SPIN1: variants seen among roughly 807,000 people sequenced by gnomAD.
The protein encoded by SPIN1 is spindlin-1.
SPIN1 carries 3 observed loss-of-function variants against 26.0 expected under a neutral mutation model. The ratio of observed to expected loss-of-function variants is 0.12; its 90% CI spans 0.05 to 0.30. The LOEUF (loss-of-function observed/expected upper bound fraction) is 0.30, where lower values mean the gene tolerates loss of function less well. Ranked by LOEUF, SPIN1 falls within the 10% of genes least tolerant of loss-of-function variation. The probability of loss-of-function intolerance (pLI) is 1.00; values close to 1 mark genes in which losing one functional copy is unlikely to be tolerated. For synonymous variants in SPIN1, 101 were observed against 116.5 expected, an observed-to-expected ratio of 0.87 and a Z score of 0.86; for missense variants, 126 against 333.4, an observed-to-expected ratio of 0.38 and a Z score of 4.84.
intron 1 of SPIN1, among the ~76,000 whole-genome samples, chr9:88,422,079 A>G (rs1337165228): frequency 1.3e-5 from 2 of 152,124 alleles, no homozygotes; most frequent in Non-Finnish European, 2.9e-5. Context: ...AAGCAGTAAC[A>G]TTTTCCCCTT....
At chr9:88,400,831 C>T (rs1827169999) in intron 1 of SPIN1, among the ~76,000 whole-genome samples, 2 of 143,162 alleles carry the variant, frequency 1.4e-5, no homozygotes, top group African/African-American at 5.5e-5. Flanking sequence ...GGTGACAGAG[C>T]GAGACTCCGC....
At chr9:88,424,455 A>G (rs916186795) in intron 1 of SPIN1, among the ~76,000 whole-genome samples, 1 of 152,192 alleles carries the variant, frequency 6.6e-6, no homozygotes, top group African/African-American at 2.4e-5. Context: ...CAACAGTGAC[A>G]AGAAGAGAAG....
intron 1 of SPIN1, among the ~76,000 whole-genome samples, chr9:88,402,155 G>C (rs957499886): frequency 2.0e-5 from 3 of 152,036 alleles, no homozygotes; most frequent in South Asian, 2.1e-4. Context: ...ACCATGCTGG[G>C]CTAATTTTTG....
intron 1 of SPIN1, among the ~76,000 whole-genome samples, chr9:88,399,939 A>G (rs138573988): frequency 5.9e-5 from 9 of 152,302 alleles, no homozygotes; most frequent in African/African-American, 2.2e-4. Context: ...ATTGATTGGT[A>G]GGAATGGAAT....
chr9:88,448,979 A>C lies in SPIN1; in HGVS notation c.91A>C (p.Thr31Pro). ...ATCTGCCAACATGATGAAGAAGAGG[A>C]CATCCCACAAGTAAGCAGTTCTGAA... is the stretch of plus-strand genomic sequence containing the variant. The part of the protein sequence containing the change: ...GVSANMMKKR[T>P]SHKKHRSSVG... Residue 31 changes from threonine to proline, a missense_variant, in exon 3 of 6, where the codon ACA becomes CCA. Thr to Pro is a conservative substitution (Grantham distance 38). Coordinates refer to ENST00000375859, the MANE Select transcript of SPIN1 (RefSeq NM_006717.3). 1 of 1,612,544 alleles carries C rather than the reference A, an allele frequency of 6.2e-7. No homozygotes were observed.
At chr9:88,396,624 T>C (rs190948257) in intron 1 of SPIN1, among the ~76,000 whole-genome samples, 4 of 152,062 alleles carry the variant, frequency 2.6e-5, no homozygotes, top group Admixed American at 6.6e-5. Flanking sequence ...AGAAAAACTC[T>C]AAATGGCTTT....
At chr9:88,428,448 T>G (rs1317005202) in intron 2 of SPIN1, among the ~76,000 whole-genome samples, 2 of 152,230 alleles carry the variant, frequency 1.3e-5, no homozygotes, top group African/African-American at 2.4e-5. Flanking sequence ...TTTCTCTTTC[T>G]GCATTAGTTC....
intron 1 of SPIN1, among the ~76,000 whole-genome samples, chr9:88,403,798 A>G (rs1407617805): frequency 1.3e-5 from 2 of 152,184 alleles, no homozygotes; most frequent in African/African-American, 4.8e-5. Flanking sequence ...ATTTAGCTTG[A>G]TATTAATGTT....
intron 1 of SPIN1, among the ~76,000 whole-genome samples, chr9:88,425,302 T>C (rs1241929566): frequency 6.6e-6 from 1 of 152,082 alleles, no homozygotes; most frequent in Non-Finnish European, 1.5e-5. Context: ...CTGATAGCCT[T>C]CATCTTAGGC....
intron 2 of SPIN1, among the ~76,000 whole-genome samples, chr9:88,437,752 A>C (rs190353611): frequency 6.6e-6 from 1 of 152,214 alleles, no homozygotes; most frequent in African/African-American, 2.4e-5. Flanking sequence ...TTGATTTTCA[A>C]TTGTAGTGAT....
chr9:88,438,504 G>A (rs1587799006), intron 2 of SPIN1, among the ~76,000 whole-genome samples: 1 of 152,162 alleles, frequency 6.6e-6, no homozygotes, highest in African/African-American at 2.4e-5. Flanking sequence ...GTGAACTTGA[G>A]AAAAGTTTGT....
intron 1 of SPIN1, among the ~76,000 whole-genome samples, chr9:88,424,352 T>C (rs1827725953): frequency 2.0e-5 from 3 of 152,058 alleles, no homozygotes; most frequent in South Asian, 4.2e-4. Context: ...GATTACAAAT[T>C]TGAAGTGAAA....
chr9:88,408,762 C>T (rs1403289102), intron 1 of SPIN1, among the ~76,000 whole-genome samples: 1 of 150,252 alleles, frequency 6.7e-6, no homozygotes, highest in East Asian at 2.0e-4. Flanking sequence ...CAACCTCTGC[C>T]TCCCGGGTTC....
At chr9:88,437,057 G>A (rs918282573) in intron 2 of SPIN1, among the ~76,000 whole-genome samples, 11 of 151,854 alleles carry the variant, frequency 7.2e-5, no homozygotes, top group Non-Finnish European at 1.3e-4. Context: ...GAGCCACCGC[G>A]CCCGGCCTCC....
chr9:88,391,901 C>A (rs1015611041), intron 1 of SPIN1: 6 of 152,136 alleles, frequency 3.9e-5, no homozygotes, highest in African/African-American at 1.4e-4. Flanking sequence ...GATGCCAGCT[C>A]TCAAATTGCT....
chr9:88,419,646 T>C (rs1031043289), intron 1 of SPIN1, among the ~76,000 whole-genome samples: 1 of 152,236 alleles, frequency 6.6e-6, no homozygotes, highest in Non-Finnish European at 1.5e-5. Context: ...TAATTTCTTA[T>C]GAAAAATTTG....
At chr9:88,456,111 T>C (rs1459640798) in intron 3 of SPIN1, among the ~76,000 whole-genome samples, 5 of 152,198 alleles carry the variant, frequency 3.3e-5, no homozygotes, top group Non-Finnish European at 7.3e-5. Context: ...TTTGATAAAT[T>C]TGTAGATGTG....
intron 2 of SPIN1, 149 bp from the exon 3 acceptor site, chr9:88,448,792 A>G (rs1828303540): frequency 1.6e-6 from 1 of 612,212 alleles, no homozygotes; most frequent in South Asian, 2.3e-5. Flanking sequence ...AAAGTTCAGT[A>G]AACAAATGGC....
intron 1 of SPIN1, among the ~76,000 whole-genome samples, chr9:88,394,773 T>G (rs566213160): frequency 1.3e-5 from 2 of 151,894 alleles, no homozygotes; most frequent in South Asian, 4.2e-4. Context: ...CTGAAATTCT[T>G]CCTTTAAGAA....
Sources: gnomAD v4.1 joint callset for allele counts (sites outside exome capture counted in the v4.1 genomes callset) on GRCh38, gnomAD v4.1.1 for gene constraint, MANE v1.5 for transcripts, NCBI Gene and HGNC (gene_info 2026-07-23, HGNC 2026-07-21) for gene names.